Variants in CNTNAP2 observed in about 807,000 individuals in gnomAD.
The protein encoded by CNTNAP2 is contactin associated protein 2.
CNTNAP2 carries 98 observed loss-of-function variants against 155.2 expected under a neutral mutation model. The ratio of observed to expected loss-of-function variants is 0.63; its 90% CI spans 0.54 to 0.75. The LOEUF is 0.75. CNTNAP2 is among the 30% of genes least tolerant of loss of function. The pLI is 0.00. For synonymous variants in CNTNAP2, 651 were observed against 631.2 expected, an observed-to-expected ratio of 1.03 and a Z score of -0.47; for missense variants, 1,727 against 1,688.1, an observed-to-expected ratio of 1.02 and a Z score of -0.40.
intron 1 of CNTNAP2, among the ~76,000 whole-genome samples, chr7:146,622,223 GTATA>G (rs765205021): frequency 6.8e-6 from 1 of 147,024 alleles, no homozygotes; most frequent in East Asian, 2.0e-4. Flanking sequence ...ACGTGTGTGT[GTATA>G]TATATATGTG....
At chr7:146,393,479 A>C (rs1365541375) in intron 1 of CNTNAP2, among the ~76,000 whole-genome samples, 1 of 152,152 alleles carries the variant, frequency 6.6e-6, no homozygotes, top group African/African-American at 2.4e-5. Context: ...TAATAGGACC[A>C]ATCAGTGGGG....
intron 3 of CNTNAP2, among the ~76,000 whole-genome samples, chr7:146,991,465 C>T (rs997131592): frequency 7.9e-5 from 12 of 152,088 alleles, no homozygotes; most frequent in Middle Eastern, 3.2e-3. Context: ...CCAACATGAT[C>T]GGAATATTAC....
intron 1 of CNTNAP2, among the ~76,000 whole-genome samples, chr7:146,175,837 G>C (rs1248095412): frequency 1.3e-5 from 2 of 151,742 alleles, no homozygotes; most frequent in Non-Finnish European, 2.9e-5. Context: ...ATTCTTTCCA[G>C]TATCCTTGTC....
At chr7:147,817,854 G>C (rs908901532) in intron 13 of CNTNAP2, among the ~76,000 whole-genome samples, 1 of 148,252 alleles carries the variant, frequency 6.7e-6, no homozygotes, top group Non-Finnish European at 1.5e-5. Flanking sequence ...GCAGTGAGCT[G>C]AGATGGTGCC....
intron 18 of CNTNAP2, among the ~76,000 whole-genome samples, chr7:148,203,738 C>CAA (rs143283384): frequency 6.7e-6 from 1 of 149,842 alleles, no homozygotes; most frequent in Non-Finnish European, 1.5e-5. Context: ...GAGTACATCT[C>CAA]AAAAAAAAGA....
chr7:146,598,161 G>A (rs1022091724), intron 1 of CNTNAP2, among the ~76,000 whole-genome samples: 1 of 152,050 alleles, frequency 6.6e-6, no homozygotes, highest in African/African-American at 2.4e-5. Context: ...CACGACCATT[G>A]AATTAAATGG....
At chr7:148,164,817 A>AT (rs138556697) in intron 17 of CNTNAP2, among the ~76,000 whole-genome samples, 30 of 145,190 alleles carry the variant, frequency 2.1e-4, no homozygotes, top group Non-Finnish European at 3.2e-4. Context: ...TTTATTTTTT[A>AT]TTTTTTTTTT....
chr7:146,593,745 A>G (rs1798818392), intron 1 of CNTNAP2, among the ~76,000 whole-genome samples: 1 of 152,074 alleles, frequency 6.6e-6, no homozygotes, highest in Non-Finnish European at 1.5e-5. Flanking sequence ...TTGAAGTTTT[A>G]TTAATCTCAA....
chr7:146,321,492 C>G (rs528630624), intron 1 of CNTNAP2, among the ~76,000 whole-genome samples: 3 of 152,246 alleles, frequency 2.0e-5, no homozygotes, highest in Admixed American at 2.0e-4. Flanking sequence ...CCTTCCTCCA[C>G]ACTGAGAACA....
At chr7:147,737,787 C>T (rs112537399) in intron 13 of CNTNAP2, among the ~76,000 whole-genome samples, 28,345 of 152,140 alleles carry the variant, frequency 0.19, 3,017 homozygotes, top group Middle Eastern at 0.38. Context: ...TAGCAATGAG[C>T]GAGGCTCTGT....
At chr7:147,534,728 G>C (rs1799509555) in intron 11 of CNTNAP2, among the ~76,000 whole-genome samples, 2 of 152,198 alleles carry the variant, frequency 1.3e-5, no homozygotes, top group Non-Finnish European at 1.5e-5. Context: ...ATAAAAACAA[G>C]TGATAATTTC....
chr7:147,501,738 C>T (rs191105521), intron 11 of CNTNAP2, among the ~76,000 whole-genome samples: 7 of 152,294 alleles, frequency 4.6e-5, no homozygotes, highest in African/African-American at 1.7e-4. Flanking sequence ...GTATTAGATA[C>T]ATTTTTTACT....
intron 1 of CNTNAP2, among the ~76,000 whole-genome samples, chr7:146,294,153 G>T (rs1800476226): frequency 6.6e-6 from 1 of 152,198 alleles, no homozygotes; most frequent in South Asian, 2.1e-4. Context: ...AAGTGGAGAA[G>T]TTCTTTTTAA....
At chr7:147,747,808 T>G (rs1392015206) in intron 13 of CNTNAP2, among the ~76,000 whole-genome samples, 1 of 152,234 alleles carries the variant, frequency 6.6e-6, no homozygotes, top group Non-Finnish European at 1.5e-5. Context: ...AATTACAATA[T>G]TATGACCCTT....
intron 4 of CNTNAP2, among the ~76,000 whole-genome samples, chr7:147,073,730 G>A (rs1491000244): frequency 6.6e-6 from 1 of 152,166 alleles, no homozygotes; most frequent in African/African-American, 2.4e-5. Flanking sequence ...TGGGCACCAG[G>A]GATGAGCACT....
At chr7:147,968,489 A>G (rs1286579211) in intron 14 of CNTNAP2, among the ~76,000 whole-genome samples, 2 of 152,152 alleles carry the variant, frequency 1.3e-5, no homozygotes, top group East Asian at 3.9e-4. Context: ...CAAGGACACT[A>G]TGAGAAACAT....
At position 147,732,185 on chromosome 7, in the gene CNTNAP2, C is replaced by CA. The variant is rs1029910682; in HGVS notation, c.2098+92879_2098+92880insA. ...TATATCTCCTAATGCTATCCCTCCC[C>CA]CCCCCACCACCCCCATGACAGGCCC... On this transcript the variant is annotated intron_variant, in intron 13 of 23. Transcript: ENST00000361727. Among the ~76,000 whole-genome samples the CA allele has an allele frequency of 4.1e-4, 41 of 98,952 alleles. 1 individual carries two copies. Among genetic ancestry groups the CA allele is most frequent in the African/African-American group, 1.3e-3 (25 of 19,196 alleles). 64.9% of individuals were successfully genotyped at this position (98,952 alleles called of 152,430 possible). A position where few individuals can be genotyped will look rare whatever the true frequency, so the allele number is the denominator to read the frequency against.
rs11365544 is a variant in CNTNAP2, at chr7:147,059,433, ATTTTT to A, written c.550+15393_550+15397del. ...GGGAGGGGGTTATATGATAATTCTG[ATTTTT>A]TTTTTTTTTTTTTGCAAATAAAAAG... On this transcript the variant is annotated intron_variant, in intron 4 of 23. Coordinates refer to ENST00000361727, the MANE Select transcript of CNTNAP2 (RefSeq NM_014141.6). Among the ~76,000 whole-genome samples, 854 of 140,202 alleles carry A rather than the reference ATTTTT, an allele frequency of 6.1e-3. 5 individuals carry two copies. The highest frequency in any genetic ancestry group is 9.2e-3 in the Non-Finnish European group (588 of 63,788). 92.0% of individuals were successfully genotyped at this position (140,202 alleles called of 152,430 possible).
chr7:146,600,281 A>T (rs1049775617), intron 1 of CNTNAP2, among the ~76,000 whole-genome samples: 5 of 152,292 alleles, frequency 3.3e-5, no homozygotes, highest in African/African-American at 1.2e-4. Flanking sequence ...TACTGCAAAT[A>T]TGTTATCTGC....
Sources: allele counts gnomAD v4.1 joint callset (sites outside exome capture counted in the v4.1 genomes callset), GRCh38; gene constraint gnomAD v4.1.1; transcripts MANE v1.5; gene names NCBI Gene and HGNC (gene_info 2026-07-23, HGNC 2026-07-21).